Variants in TRAF7 observed in about 807,000 individuals in gnomAD.
TRAF7 encodes TNF receptor associated factor 7, also known as E3 ubiquitin-protein ligase TRAF7.
TRAF7 carries 45 observed loss-of-function variants against 89.3 expected under a neutral mutation model. The ratio of observed to expected loss-of-function variants is 0.50; its 90% confidence interval spans 0.40 to 0.65. The LOEUF (loss-of-function observed/expected upper bound fraction) is 0.65. Among genes scored for constraint, TRAF7 ranks in the 30% least tolerant of loss-of-function variants. TRAF7 has a pLI of 0.00. For missense variants in TRAF7, 677 were observed against 918.1 expected (o/e 0.74, Z 3.39); for synonymous variants, 406 against 369.2 (o/e 1.10, Z -1.14).
chr16:2,174,411 T>C, intron 14 of TRAF7, 78 bp downstream of exon 14: 1 of 1,432,406 alleles, frequency 7.0e-7, no homozygotes, highest in Non-Finnish European at 9.6e-7. Context: ...CCGTGAGCCA[T>C]GAGCTCGAGC....
rs1292008613 is a variant in TRAF7, at chr16:2,159,820, T to G, written c.-39+3962T>G. Reference sequence around the variant, plus strand: ...TGCTCCGGGTTGCTGGAGGAGCTGCTTTAAGGCCGGGCCTGGCCCGAGCAG... The same window carrying G: ...TGCTCCGGGTTGCTGGAGGAGCTGCGTTAAGGCCGGGCCTGGCCCGAGCAG... On this transcript the variant is annotated intron_variant, in intron 1 of 20. Transcript: ENST00000326181. The surrounding 1 kb of genome is among the most constrained non-coding windows in gnomAD (Gnocchi z 6.5). Among the ~76,000 whole-genome samples the G allele has an allele frequency of 1.3e-5, 2 of 152,204 alleles. No individual in the cohort carries two copies. The highest frequency in any genetic ancestry group is 4.8e-5 in the African/African-American group (2 of 41,464).
intron 14 of TRAF7, among the ~76,000 whole-genome samples, chr16:2,174,713 T>C (rs915859600): frequency 1.5e-4 from 23 of 152,312 alleles, no homozygotes; most frequent in Non-Finnish European, 2.8e-4. Flanking sequence ...TTGGCCACTT[T>C]CTTGCCTCCA....
At chr16:2,164,511 T>A (rs1420191180) in intron 2 of TRAF7, among the ~76,000 whole-genome samples, 3 of 117,018 alleles carry the variant, frequency 2.6e-5, no homozygotes, top group East Asian at 5.9e-4. Context: ...CTACGTGGCC[T>A]GGCCTGGTCG....
chr16:2,158,121 A>G lies in TRAF7; in HGVS notation c.-39+2263A>G, dbSNP rs1182862159. On this transcript the variant is annotated intron_variant, in intron 1 of 20. Transcript: ENST00000326181. The surrounding 1 kb of genome is among the most constrained non-coding windows in gnomAD (Gnocchi z 4.7). ...CGGTGTCACAGCATCTCCTGGATGG[A>G]CACCCTGCGGGGTCAGGGAGGGCAT... Among the ~76,000 whole-genome samples the G allele has an allele frequency of 6.6e-6, 1 of 152,056 alleles. No individual in the cohort carries two copies. Among genetic ancestry groups the G allele is most frequent in the Admixed American group, 6.5e-5 (1 of 15,270 alleles).
At chr16:2,160,662 C>T (rs2093054934) in intron 1 of TRAF7, among the ~76,000 whole-genome samples, 1 of 152,060 alleles carries the variant, frequency 6.6e-6, no homozygotes, top group Non-Finnish European at 1.5e-5. Context: ...TAGCTGCCCC[C>T]ATGGCTTTTC....
In TRAF7 at chr16:2,171,269, A is replaced by G. The variant is rs200306273; in HGVS notation, c.354A>G (p.Pro118=). The change falls in exon 6 of 21, where the codon CCA becomes CCG. Residue 118 remains proline (P), a synonymous_variant. Coordinates refer to ENST00000326181, the MANE Select transcript of TRAF7 (RefSeq NM_032271.3). ...SLPEEEEEPE[P]LVFAEQPSVK... is the part of the protein sequence containing the mutation. ...CCTTTCCCGCTTGGTTCCAGGAGCC[A>G]CTGGTGTTTGCGGAGCAGCCCTCGG... 11 of 1,548,546 alleles carry G rather than the reference A, an allele frequency of 7.1e-6. No individual in the cohort carries two copies. The highest frequency in any genetic ancestry group is 2.4e-5 in the South Asian group (2 of 84,286).
intron 11 of TRAF7, 108 bp downstream of exon 11, chr16:2,173,662 T>A: frequency 6.4e-7 from 1 of 1,572,296 alleles, no homozygotes; most frequent in Non-Finnish European, 8.7e-7. Context: ...ATCAGGGGTC[T>A]TGTGTGTGGC....
In TRAF7 at chr16:2,168,032, T is replaced by G; in HGVS notation, c.140-45T>G. On this transcript the variant is annotated intron_variant, in intron 3 of 20. Coordinates refer to ENST00000326181, the MANE Select transcript of TRAF7 (RefSeq NM_032271.3). This position sits in a 1 kb window ranked among gnomAD's most constrained non-coding sequence, Gnocchi z 4.1. ...GCATGGGCCCCACCTCCCCCACATC[T>G]GCTGAGGGAGCCCCCACTGAGACGC... 1 of 1,576,790 alleles carries G rather than the reference T, an allele frequency of 6.3e-7. No homozygotes were observed.
At chr16:2,157,870 C>T (rs1022983350) in intron 1 of TRAF7, among the ~76,000 whole-genome samples, 1 of 152,200 alleles carries the variant, frequency 6.6e-6, no homozygotes, top group African/African-American at 2.4e-5. Flanking sequence ...GGGCCGGCCT[C>T]TCCGCCTTCC....
rs1226045772 is a variant in TRAF7 at position 2,163,914 on chromosome 16, C to T, written c.-7C>T. On this transcript the variant is annotated 5_prime_UTR_variant, in exon 2 of 21. Coordinates refer to ENST00000326181, the MANE Select transcript of TRAF7 (RefSeq NM_032271.3). The surrounding 1 kb of genome is among the most constrained non-coding windows in gnomAD (Gnocchi z 4.3). ...CTTCCCAAGGACCGTAGATGCCTCT[C>T]TAGAGCATGAGCTCAGGCAAGAGTG... The T allele has an allele frequency of 6.2e-7, 1 of 1,611,874 alleles. No individual in the cohort carries two copies. The highest frequency in any genetic ancestry group is 1.1e-5 in the South Asian group (1 of 90,786).
intron 17 of TRAF7, 71 bp downstream of exon 17, chr16:2,175,693 G>T (rs2141295982): frequency 6.3e-7 from 1 of 1,591,394 alleles, no homozygotes; most frequent in Non-Finnish European, 8.6e-7. Flanking sequence ...AGCACCTGGG[G>T]CTCCATCTGC....
rs902598756 is a variant in TRAF7, at chr16:2,162,021, G to T, written c.-38-1862G>T. ...TGGGTCACACAGGGCCAAGCCCCTC[G>T]AGTCGCAGTGGGGCCTGGGGAAGGC... On this transcript the variant is annotated intron_variant, in intron 1 of 20. Transcript: ENST00000326181. The surrounding 1 kb of genome is among the most constrained non-coding windows in gnomAD (Gnocchi z 5.0). Among the ~76,000 whole-genome samples, 1 of 152,166 alleles carries T rather than the reference G, an allele frequency of 6.6e-6. No homozygotes were observed. The highest frequency in any genetic ancestry group is 1.5e-5 in the Non-Finnish European group (1 of 68,024).
In TRAF7 at chr16:2,162,168, T is replaced by C. The variant is rs576829621; in HGVS notation, c.-38-1715T>C. The stretch of plus-strand genomic sequence containing the variant: ...GAGATGTCGGGTTGAGCCCGAGTCC[T>C]GAAGGCTGAGTGGCTCCAGGGTGGG... On this transcript the variant is annotated intron_variant, in intron 1 of 20. Transcript: ENST00000326181. This position sits in a 1 kb window ranked among gnomAD's most constrained non-coding sequence, Gnocchi z 5.0. Among the ~76,000 whole-genome samples the C allele has an allele frequency of 6.6e-6, 1 of 152,336 alleles. No individual in the cohort carries two copies. The highest frequency in any genetic ancestry group is 1.5e-5 in the Non-Finnish European group (1 of 68,020).
intron 6 of TRAF7, 89 bp downstream of exon 6, chr16:2,171,445 G>GCCTTGGTCAAGGCCTGT: frequency 6.5e-7 from 1 of 1,544,000 alleles, no homozygotes. Flanking sequence ...TGGCGCCCTG[G>GCCTTGGTCAAGGCCTGT]CCTTGGTCAA....
rs1023492218 is a variant in TRAF7 at position 2,175,234 on chromosome 16, C to G, written c.1387-67C>G. The G allele has an allele frequency of 6.8e-6, 11 of 1,611,968 alleles. No homozygotes were observed. In the African/African-American group the frequency reaches 1.5e-4, roughly 22 times the overall value. ...GGTGCCCCAGGGACGTGTTTCTCCC[C>G]GTCTGGGCTCCAGACTCCAGGTGGC... On this transcript the variant is annotated intron_variant, in intron 15 of 20. Transcript: ENST00000326181.
chr16:2,174,053 G>T lies in TRAF7; in HGVS notation c.1263+5G>T, dbSNP rs750737329. 3 of 1,612,570 alleles carry T rather than the reference G, an allele frequency of 1.9e-6. No homozygotes were observed. The highest frequency in any genetic ancestry group is 2.5e-6 in the Non-Finnish European group (3 of 1,180,002). ...TCCTCTGACAAGACCATCAAGGTGG[G>T]CAGGGTCCTACCTCAGTCTCTGCAG... On this transcript the variant is annotated splice_donor_5th_base_variant and intron_variant, in intron 13 of 20. Coordinates refer to ENST00000326181, the MANE Select transcript of TRAF7 (RefSeq NM_032271.3).
chr16:2,176,488 C>G (rs140044726), intron 20 of TRAF7, 72 bp from the exon 21 acceptor site: 1 of 1,612,926 alleles, frequency 6.2e-7, no homozygotes, highest in South Asian at 1.1e-5. Context: ...AGGGCAGGTA[C>G]GTGTGGCAGG....
At position 2,162,750 on chromosome 16, in the gene TRAF7, A is replaced by G. The variant is rs931303279; in HGVS notation, c.-38-1133A>G. Among the ~76,000 whole-genome samples the G allele has an allele frequency of 1.3e-5, 2 of 151,990 alleles. No individual in the cohort carries two copies. The highest frequency in any genetic ancestry group is 2.4e-5 in the African/African-American group (1 of 41,394). The stretch of plus-strand genomic sequence containing the variant: ...GTGCTGCGCATGGGCCTCGAGGTGG[A>G]CAGTGCAGGTGGGCCCGGGGCAGGA... On this transcript the variant is annotated intron_variant, in intron 1 of 20. Transcript: ENST00000326181. This position sits in a 1 kb window ranked among gnomAD's most constrained non-coding sequence, Gnocchi z 5.0.
intron 3 of TRAF7, among the ~76,000 whole-genome samples, chr16:2,167,864 G>A (rs926787644): frequency 2.1e-4 from 32 of 152,052 alleles, no homozygotes; most frequent in African/African-American, 7.2e-4. Flanking sequence ...GATGTAGACC[G>A]AGCCCAGCGT....
Sources: gnomAD v4.1 joint callset for allele counts (sites outside exome capture counted in the v4.1 genomes callset) on GRCh38, gnomAD v4.1.1 for gene constraint, Gnocchi (gnomAD v3.1) non-coding constraint, MANE v1.5 for transcripts, NCBI Gene and HGNC (gene_info 2026-07-23, HGNC 2026-07-21) for gene names.